The following C1QTNF2 variants were observed in gnomAD, a reference collection of about 807,000 sequenced individuals.
The protein encoded by C1QTNF2 is complement C1q tumor necrosis factor-related protein 2.
C1QTNF2 carries 15 observed loss-of-function variants against 17.4 expected under a neutral mutation model. The ratio of observed to expected loss-of-function variants is 0.86; its 90% CI spans 0.58 to 1.33. C1QTNF2 has a LOEUF of 1.33. C1QTNF2 is among the 40% of genes most tolerant of loss of function. The pLI is 0.00. For missense variants in C1QTNF2, 381 were observed against 392.3 expected, an observed-to-expected ratio of 0.97 and a Z score of 0.24; for synonymous variants, 154 against 163.3, an observed-to-expected ratio of 0.94 and a Z score of 0.44.
chr5:160,363,936 C>T (rs957755950), intron 1 of C1QTNF2, among the ~76,000 whole-genome samples: 2 of 152,202 alleles, frequency 1.3e-5, no homozygotes, highest in Non-Finnish European at 2.9e-5. Flanking sequence ...TCTCCACGTG[C>T]CTGACCACAG....
chr5:160,351,481 A>T (rs570737442), intron 2 of C1QTNF2, among the ~76,000 whole-genome samples: 5 of 152,370 alleles, frequency 3.3e-5, no homozygotes, highest in African/African-American at 1.2e-4. Flanking sequence ...TCTGTAATGC[A>T]TCTGAATTTT....
chr5:160,365,978 A>G lies in C1QTNF2; in HGVS notation c.-10+4534T>C, dbSNP rs1437633397. ...AAAAATTTTTTAATTTCCATAGATTATTGGGGAACAGGTGGTGTTTGGTTA... is the reference window on the plus strand; with the variant it reads ...AAAAATTTTTTAATTTCCATAGATTGTTGGGGAACAGGTGGTGTTTGGTTA... On this transcript the variant is annotated intron_variant, in intron 1 of 2. Transcript: ENST00000652664. Among the ~76,000 whole-genome samples, 5 of 152,260 alleles carry G rather than the reference A, an allele frequency of 3.3e-5. No individual in the cohort carries two copies. In the East Asian group the frequency reaches 9.7e-4, roughly 29 times the overall value.
At chr5:160,362,083 T>C (rs1316505193) in intron 1 of C1QTNF2, among the ~76,000 whole-genome samples, 1 of 152,080 alleles carries the variant, frequency 6.6e-6, no homozygotes, top group Non-Finnish European at 1.5e-5. Context: ...TGGCCGCCCT[T>C]ACGGAGACTG....
Position 160,355,140 on chromosome 5 carries a change from G to A in C1QTNF2, c.-9-120C>T, listed in dbSNP as rs1191124880. The A allele has an allele frequency of 2.1e-6, 3 of 1,419,326 alleles. No individual in the cohort carries two copies. In the African/African-American group the frequency reaches 4.3e-5, roughly 21 times the overall value. The allele number at this position is 1,419,326 out of a possible 1,614,324, so 87.9% of individuals were successfully genotyped here. On this transcript the variant is annotated intron_variant, in intron 1 of 2. Transcript: ENST00000652664. ...ACACTCAGTTGGATTTCTGTCTCTTGCTCTTTCCTGCATCACATACAAGTA... is the reference window on the plus strand; with the variant it reads ...ACACTCAGTTGGATTTCTGTCTCTTACTCTTTCCTGCATCACATACAAGTA...
rs972129965 is a variant in C1QTNF2, at chr5:160,349,917, A to G, written c.245-136T>C. 1.2e-5 allele frequency: 12 copies of G among 1,012,474 alleles called. No individual in the cohort carries two copies. Among genetic ancestry groups the G allele is most frequent in the African/African-American group, 1.6e-5 (1 of 61,898 alleles). 62.7% of individuals were successfully genotyped at this position (1,012,474 alleles called of 1,614,324 possible). Reference sequence around the variant, plus strand: ...GAACAAGAAGGCTTTGCAGACATATAGAAGTGGGTGTAAATCCTAATGCTA... The same window carrying G: ...GAACAAGAAGGCTTTGCAGACATATGGAAGTGGGTGTAAATCCTAATGCTA... On this transcript the variant is annotated intron_variant, in intron 2 of 2. Transcript: ENST00000652664. The surrounding 1 kb of genome is among the most constrained non-coding windows in gnomAD (Gnocchi z 4.3).
chr5:160,362,618 T>C (rs1764175348), intron 1 of C1QTNF2, among the ~76,000 whole-genome samples: 1 of 152,154 alleles, frequency 6.6e-6, no homozygotes, highest in Non-Finnish European at 1.5e-5. Context: ...CCACTGGCGT[T>C]TGAGGACCTC....
rs566995984 is a variant in C1QTNF2 at position 160,353,867 on chromosome 5, G to A, written c.244+901C>T. On this transcript the variant is annotated intron_variant, in intron 2 of 2. Transcript: ENST00000652664. ...TTCCCAGGCTGGAGTGCAGTGGCAC[G>A]ATCTCAACTCACTCCAACCTCTGCC... is the stretch of plus-strand genomic sequence containing the variant. 8.5e-5 allele frequency among the ~76,000 whole-genome samples: 11 copies of A among 129,538 alleles called. No individual in the cohort carries two copies. The South Asian group carries it at 2.5e-3, about 29-fold the overall frequency. 85.0% of individuals were successfully genotyped at this position (129,538 alleles called of 152,430 possible).
intron 1 of C1QTNF2, among the ~76,000 whole-genome samples, chr5:160,368,047 G>T (rs2910184): frequency 0.094 from 14,255 of 152,224 alleles, 716 homozygotes; most frequent in East Asian, 0.19. Flanking sequence ...ACTCAGGCCT[G>T]CTGGCTCAGG....
chr5:160,349,435 G>T lies in C1QTNF2; in HGVS notation c.591C>A (p.Phe197Leu), dbSNP rs749263645. 29 of 1,613,930 alleles carry T rather than the reference G, an allele frequency of 1.8e-5. 1 individual carries two copies. The highest frequency in any genetic ancestry group is 3.3e-4 in the Middle Eastern group (2 of 6,084). Reference sequence around the variant, plus strand: ...TGTTGGCCAGCGTGATGTCGTAGGTGAAGTAGTAGATCCCAGGCACGCCGC... The same window carrying T: ...TGTTGGCCAGCGTGATGTCGTAGGTTAAGTAGTAGATCCCAGGCACGCCGC... ...FVCGVPGIYY[F>L]TYDITLANKH... The change falls in exon 3 of 3, where the codon TTC (phenylalanine) becomes TTA (leucine). Residue 197 changes from phenylalanine to leucine, a missense_variant. Phe to Leu is a conservative substitution (Grantham distance 22, BLOSUM62 0). Coordinates refer to ENST00000652664, the MANE Select transcript of C1QTNF2 (RefSeq NM_031908.6). The surrounding 1 kb of genome is among the most constrained non-coding windows in gnomAD (Gnocchi z 4.3).
chr5:160,370,465 C>T, intron 1 of C1QTNF2, 47 bp downstream of exon 1: 1 of 1,390,312 alleles, frequency 7.2e-7, no homozygotes, highest in Non-Finnish European at 9.3e-7. Flanking sequence ...CTCCTCCTCC[C>T]CGCGCGCACT....
At position 160,354,784 on chromosome 5, in the gene C1QTNF2, C is replaced by T. The variant is rs761915417; in HGVS notation, c.228G>A (p.Gly76=). Residue 76 remains glycine, a synonymous_variant, in exon 2 of 3, where the codon GGG becomes GGA. Transcript: ENST00000652664. ...DGQDGHDGDR[G]DSGEEGPPGR... ...GCCTCTTACCTTCCTCTCCGCTGTC[C>T]CCCCGGTCGCCGTCGTGTCCATCTT... 3 of 1,613,526 alleles carry T rather than the reference C, an allele frequency of 1.9e-6. No individual in the cohort carries two copies. Among genetic ancestry groups the T allele is most frequent in the Non-Finnish European group, 2.5e-6 (3 of 1,179,926 alleles).
Position 160,370,558 on chromosome 5 carries a change from T to C in C1QTNF2, c.-56A>G, listed in dbSNP as rs950812858. On this transcript the variant is annotated 5_prime_UTR_variant, in exon 1 of 3. Coordinates refer to ENST00000652664, the MANE Select transcript of C1QTNF2 (RefSeq NM_031908.6). ...CCAGGGGCGTCCGGAGCAAAGAAGC[T>C]CTCGGCGGGGCTCCGCGTCCCGGCT... 4 of 1,475,924 alleles carry C rather than the reference T, an allele frequency of 2.7e-6. No homozygotes were observed. The highest frequency in any genetic ancestry group is 3.6e-6 in the Non-Finnish European group (4 of 1,119,544). 91.4% of individuals were successfully genotyped at this position (1,475,924 alleles called of 1,614,324 possible).
chr5:160,349,195 G>T lies in C1QTNF2; in HGVS notation c.831C>A (p.Ala277=). 1 of 1,613,686 alleles carries T rather than the reference G, an allele frequency of 6.2e-7. No individual in the cohort carries two copies. Among genetic ancestry groups the T allele is most frequent in the Non-Finnish European group, 8.5e-7 (1 of 1,179,720 alleles). ...DSLFTGFLIY[A]DQDDPNEV is the part of the protein sequence containing the mutation. Reference sequence around the variant, plus strand: ...ATACCTCGTTGGGGTCATCCTGGTCGGCATAGATTAGGAAGCCCGTAAAGA... The same window carrying T: ...ATACCTCGTTGGGGTCATCCTGGTCTGCATAGATTAGGAAGCCCGTAAAGA... Residue 277 remains alanine (A), a synonymous_variant, in exon 3 of 3, where the codon GCC becomes GCA. Transcript: ENST00000652664. The surrounding 1 kb of genome is among the most constrained non-coding windows in gnomAD (Gnocchi z 4.3).
Position 160,349,900 on chromosome 5 carries a change from A to G in C1QTNF2, c.245-119T>C. ...TGCTTGGGTAATAGAAAGAACAAGAAGGCTTTGCAGACATATAGAAGTGGG... is the reference window on the plus strand; with the variant it reads ...TGCTTGGGTAATAGAAAGAACAAGAGGGCTTTGCAGACATATAGAAGTGGG... On this transcript the variant is annotated intron_variant, in intron 2 of 2. Transcript: ENST00000652664. This position sits in a 1 kb window ranked among gnomAD's most constrained non-coding sequence, Gnocchi z 4.3. 1 of 1,205,612 alleles carries G rather than the reference A, an allele frequency of 8.3e-7. No individual in the cohort carries two copies. The highest frequency in any genetic ancestry group is 1.1e-6 in the Non-Finnish European group (1 of 894,748). 74.7% of individuals were successfully genotyped at this position (1,205,612 alleles called of 1,614,324 possible). A position where few individuals can be genotyped will look rare whatever the true frequency, so the allele number is the denominator to read the frequency against.
chr5:160,350,026 C>A (rs1206371665), intron 2 of C1QTNF2, among the ~76,000 whole-genome samples: 1 of 152,212 alleles, frequency 6.6e-6, no homozygotes, highest in Non-Finnish European at 1.5e-5. Context: ...TAACAGTTCA[C>A]ACCCTTTCCT....
At chr5:160,360,168 C>T (rs1386759090) in intron 1 of C1QTNF2, among the ~76,000 whole-genome samples, 1 of 152,230 alleles carries the variant, frequency 6.6e-6, no homozygotes, top group East Asian at 1.9e-4. Flanking sequence ...TTTTCCAGCA[C>T]TTGAAACCAC....
chr5:160,350,902 C>T (rs1343901971), intron 2 of C1QTNF2, among the ~76,000 whole-genome samples: 3 of 152,124 alleles, frequency 2.0e-5, no homozygotes, highest in African/African-American at 7.2e-5. Context: ...AGGCACCTGC[C>T]ACCACGCCCG....
chr5:160,360,569 G>A (rs1259979680), intron 1 of C1QTNF2, among the ~76,000 whole-genome samples: 2 of 152,148 alleles, frequency 1.3e-5, no homozygotes, highest in East Asian at 1.9e-4. Flanking sequence ...CTTAGATAGA[G>A]TAGGTGCTCC....
chr5:160,361,776 G>A (rs1337546584), intron 1 of C1QTNF2, among the ~76,000 whole-genome samples: 1 of 152,112 alleles, frequency 6.6e-6, no homozygotes, highest in African/African-American at 2.4e-5. Context: ...CATCCTTCAA[G>A]TCTCAGGTCT....
Sources: allele counts gnomAD v4.1 joint callset (sites outside exome capture counted in the v4.1 genomes callset), GRCh38; gene constraint gnomAD v4.1.1; non-coding constraint Gnocchi (gnomAD v3.1); transcripts MANE v1.5; gene names NCBI Gene and HGNC (gene_info 2026-07-23, HGNC 2026-07-21).